KAZN: variants seen among roughly 807,000 people sequenced by gnomAD.
KAZN encodes the protein kazrin.
A neutral mutation model predicts 87.4 loss-of-function variants in KAZN; 40 were observed. The observed-to-expected ratio is 0.46, with a 90% CI of 0.36 to 0.60. The LOEUF is 0.60. KAZN is among the 20% of genes least tolerant of loss of function. The probability of loss-of-function intolerance (pLI) is 0.00; values close to 1 mark genes in which losing one functional copy is unlikely to be tolerated. For synonymous variants in KAZN, 466 were observed against 458.3 expected (o/e 1.02, Z -0.22); for missense variants, 898 against 1,073.9 (o/e 0.84, Z 2.29).
chr1:14,654,518 C>T (rs573526672), intron 1 of KAZN, among the ~76,000 whole-genome samples: 5 of 152,064 alleles, frequency 3.3e-5, no homozygotes, highest in South Asian at 2.1e-4. Context: ...AAATAGCCCC[C>T]GCTTTAAGAC....
chr1:14,273,683 C>T (rs1411179358), intron 2 of KAZN, among the ~76,000 whole-genome samples: 4 of 152,210 alleles, frequency 2.6e-5, no homozygotes, highest in Admixed American at 6.5e-5. Flanking sequence ...CTTCTTAAAC[C>T]ACACAGAAGA....
At chr1:14,473,247 T>A (rs1668546347) in intron 2 of KAZN, among the ~76,000 whole-genome samples, 1 of 120,218 alleles carries the variant, frequency 8.3e-6, no homozygotes, top group Non-Finnish European at 1.8e-5. Flanking sequence ...TAGGACATAC[T>A]TATCTAAAGG....
intron 2 of KAZN, among the ~76,000 whole-genome samples, chr1:14,575,256 A>G (rs903105214): frequency 5.3e-5 from 8 of 152,104 alleles, no homozygotes; most frequent in African/African-American, 1.7e-4. Flanking sequence ...GCTGAGAAAG[A>G]CATACCTGAG....
chr1:15,051,297 C>G (rs547408998), intron 4 of KAZN, among the ~76,000 whole-genome samples: 1 of 152,348 alleles, frequency 6.6e-6, no homozygotes, highest in South Asian at 2.1e-4. Context: ...AGCGGAACCT[C>G]AGGCCCTCCT....
At chr1:14,760,652 G>A (rs1644714853) in intron 1 of KAZN, among the ~76,000 whole-genome samples, 1 of 152,120 alleles carries the variant, frequency 6.6e-6, no homozygotes. Flanking sequence ...CTACTTGATT[G>A]CACATAGATA....
intron 1 of KAZN, among the ~76,000 whole-genome samples, chr1:14,645,251 T>C (rs1680725787): frequency 6.6e-6 from 1 of 152,224 alleles, no homozygotes; most frequent in Non-Finnish European, 1.5e-5. Flanking sequence ...TCCAGCTTTG[T>C]TCTTTTTGCT....
At chr1:14,563,512 G>C (rs181846497) in intron 2 of KAZN, among the ~76,000 whole-genome samples, 2 of 152,258 alleles carry the variant, frequency 1.3e-5, no homozygotes, top group East Asian at 3.9e-4. Flanking sequence ...GTACCCAGCT[G>C]TCCCAAACCT....
intron 1 of KAZN, among the ~76,000 whole-genome samples, chr1:14,799,840 A>G (rs1003844403): frequency 6.6e-6 from 1 of 152,236 alleles, no homozygotes; most frequent in Non-Finnish European, 1.5e-5. Flanking sequence ...GATATTTTAT[A>G]GGAAGCCTTG....
chr1:13,954,316 A>G (rs1194181593), intron 1 of KAZN, among the ~76,000 whole-genome samples: 1 of 152,256 alleles, frequency 6.6e-6, no homozygotes, highest in Non-Finnish European at 1.5e-5. Flanking sequence ...CCAGCTGATG[A>G]CATTCTGGGA....
At chr1:14,647,290 A>G (rs1448489878) in intron 1 of KAZN, among the ~76,000 whole-genome samples, 1 of 152,212 alleles carries the variant, frequency 6.6e-6, no homozygotes, top group African/African-American at 2.4e-5. Flanking sequence ...ATCAAAACCC[A>G]CACGCCTTCC....
At chr1:14,557,672 T>TGA (rs57818821) in intron 2 of KAZN, among the ~76,000 whole-genome samples, 35,696 of 134,856 alleles carry the variant, frequency 0.26, 5,766 homozygotes, top group East Asian at 0.58. Context: ...GTGTGGTGTG[T>TGA]GAGAGAGAGA....
chr1:14,277,266 C>T (rs374067955), intron 2 of KAZN, among the ~76,000 whole-genome samples: 14 of 152,152 alleles, frequency 9.2e-5, no homozygotes, highest in African/African-American at 3.4e-4. Flanking sequence ...TCATTTCACC[C>T]ACAAATATAT....
chr1:14,887,527 G>T (rs1324586263), intron 1 of KAZN, among the ~76,000 whole-genome samples: 1 of 152,208 alleles, frequency 6.6e-6, no homozygotes, highest in Non-Finnish European at 1.5e-5. Flanking sequence ...CCTACGCAGG[G>T]TTATCAGGAG....
chr1:15,050,114 AGTAG>A, intron 4 of KAZN, among the ~76,000 whole-genome samples: 3 of 74,140 alleles, frequency 4.0e-5, no homozygotes, highest in Non-Finnish European at 4.8e-5. Context: ...AGTAGAGTAG[AGTAG>A]TAGAGTAGGT....
rs150979902 is a variant in KAZN, at chr1:14,576,482, T to C, written c.250-22501T>C. On this transcript the variant is annotated intron_variant, in intron 2 of 16. Coordinates refer to the KAZN transcript ENST00000636203. ...ATATATTAATGGATGGATGGATGGA[T>C]GGATGCACTGATGGATGCATGGACA... 9.8e-5 allele frequency among the ~76,000 whole-genome samples: 15 copies of C among 152,288 alleles called. No homozygotes were observed. The East Asian group carries it at 2.9e-3, about 29-fold the overall frequency.
intron 1 of KAZN, among the ~76,000 whole-genome samples, chr1:14,676,938 T>G (rs1296631719): frequency 1.3e-5 from 2 of 152,134 alleles, no homozygotes; most frequent in African/African-American, 2.4e-5. Flanking sequence ...TTTAAAAGGG[T>G]GAATTTTAGG....
chr1:14,077,157 A>G (rs1283904155), intron 1 of KAZN, among the ~76,000 whole-genome samples: 2 of 152,122 alleles, frequency 1.3e-5, no homozygotes, highest in African/African-American at 2.4e-5. Context: ...TCTGTGTTAC[A>G]TGGGGCTTTA....
At chr1:14,054,578 C>A (rs1245829446) in intron 1 of KAZN, among the ~76,000 whole-genome samples, 3 of 152,148 alleles carry the variant, frequency 2.0e-5, no homozygotes, top group Non-Finnish European at 4.4e-5. Flanking sequence ...AAGGGTAGCT[C>A]AATTCTTGGC....
intron 2 of KAZN, among the ~76,000 whole-genome samples, chr1:14,276,949 G>A (rs989665633): frequency 2.0e-5 from 3 of 152,116 alleles, no homozygotes; most frequent in Admixed American, 6.5e-5. Flanking sequence ...TAGGACTTCC[G>A]CCTATACATT....
Sources: gnomAD v4.1 joint callset for allele counts (sites outside exome capture counted in the v4.1 genomes callset) on GRCh38, gnomAD v4.1.1 for gene constraint, MANE v1.5 for transcripts, NCBI Gene and HGNC (gene_info 2026-07-23, HGNC 2026-07-21) for gene names.